CC2D2B: variants seen among roughly 807,000 people sequenced by gnomAD.
The protein encoded by CC2D2B is coiled-coil and C2 domain containing 2B.
CC2D2B carries 128 observed loss-of-function variants against 161.2 expected under a neutral mutation model. The observed-to-expected ratio is 0.79, with a 90% CI of 0.69 to 0.92. CC2D2B has a LOEUF of 0.92. Among genes scored for constraint, CC2D2B ranks in the 40% least tolerant of loss-of-function variants. The pLI is 0.00. For synonymous variants in CC2D2B, 391 were observed against 449.8 expected, an observed-to-expected ratio of 0.87 and a Z score of 1.65; for missense variants, 1,173 against 1,375.1, an observed-to-expected ratio of 0.85 and a Z score of 2.32.
intron 12 of CC2D2B, 93 bp from the exon 13 acceptor site, chr10:95,965,803 G>GTGTGTGTGTGTGTGTGTGTGTGTT: frequency 2.6e-6 from 1 of 388,988 alleles, no homozygotes; most frequent in African/African-American, 2.1e-5. Context: ...GTGTGTGTGT[G>GTGTGTGTGTGTGTGTGTGTGTGTT]TGTGTGTGTG....
Position 96,033,020 on chromosome 10 carries a change from A to G in CC2D2B, c.*1012A>G, listed in dbSNP as rs1340596329. ...GTCCTTCATTAAAAGAAATGTGTTT[A>G]TATAATTTACTTACATATGACAAAA... On this transcript the variant is annotated 3_prime_UTR_variant, in exon 35 of 35. Coordinates refer to ENST00000646931, the MANE Select transcript of CC2D2B (RefSeq NM_001349008.3). Among the ~76,000 whole-genome samples the G allele has an allele frequency of 6.6e-6, 1 of 152,218 alleles. No individual in the cohort carries two copies.
chr10:96,031,904 G>C lies in CC2D2B; in HGVS notation c.4210G>C (p.Glu1404Gln). Residue 1404 changes from glutamate (E) to glutamine (Q), a missense_variant, in exon 35 of 35, where the codon GAA becomes CAA. Glu to Gln is a conservative substitution (Grantham distance 29). This residue lies in a region of CC2D2B where 598 missense variants were observed against 693.2 expected (regional missense o/e 0.86). Transcript: ENST00000646931. ...TTATCAAACTGGAATTCACTCTGCTGAATTTCCCCAGACAGAATTTGCTTT... is the reference window on the plus strand; with the variant it reads ...TTATCAAACTGGAATTCACTCTGCTCAATTTCCCCAGACAGAATTTGCTTT... ...AVYQTGIHSA[E>Q]FPQTEFALAV... 2.5e-6 allele frequency: 4 copies of C among 1,613,650 alleles called. No individual in the cohort carries two copies. The highest frequency in any genetic ancestry group is 3.4e-6 in the Non-Finnish European group (4 of 1,179,642).
At chr10:95,941,703 G>A (rs1233970372) in intron 9 of CC2D2B, among the ~76,000 whole-genome samples, 6 of 152,076 alleles carry the variant, frequency 3.9e-5, no homozygotes. Context: ...ACAAGTGTTG[G>A]CAACAATGCG....
intron 10 of CC2D2B, among the ~76,000 whole-genome samples, chr10:95,951,741 C>T (rs902311143): frequency 6.6e-6 from 1 of 151,788 alleles, no homozygotes; most frequent in African/African-American, 2.4e-5. Context: ...ATTAGAGTAC[C>T]ATCTATTAAA....
chr10:95,922,129 A>T, intron 3 of CC2D2B, 53 bp downstream of exon 3: 1 of 972,692 alleles, frequency 1.0e-6, no homozygotes, highest in South Asian at 1.7e-5. Flanking sequence ...ATTTTTAAAG[A>T]TGTAAATGAT....
intron 25 of CC2D2B, among the ~76,000 whole-genome samples, chr10:96,006,359 AAT>A (rs1163529835): frequency 4.0e-5 from 6 of 148,686 alleles, no homozygotes; most frequent in Non-Finnish European, 7.4e-5. Flanking sequence ...GAATTTATAT[AAT>A]ATATATATAC....
At chr10:95,979,152 TAC>T (rs2077420194) in intron 17 of CC2D2B, among the ~76,000 whole-genome samples, 1 of 151,984 alleles carries the variant, frequency 6.6e-6, no homozygotes, top group South Asian at 2.1e-4. Context: ...TTTTGATTTA[TAC>T]GTTTCTGGGT....
At position 95,925,065 on chromosome 10, in the gene CC2D2B, T is replaced by A. The variant is rs533055582; in HGVS notation, c.240+221T>A. ...ATCACCCTCTATTCTTACTTGGCATTACTTTTTATCCTAAAAAATTATAAT... is the reference window on the plus strand; with the variant it reads ...ATCACCCTCTATTCTTACTTGGCATAACTTTTTATCCTAAAAAATTATAAT... On this transcript the variant is annotated intron_variant, in intron 5 of 34. Transcript: ENST00000646931. Among the ~76,000 whole-genome samples the A allele has an allele frequency of 1.7e-4, 26 of 152,338 alleles. 1 individual carries two copies. The South Asian group carries it at 5.4e-3, about 32-fold the overall frequency.
intron 6 of CC2D2B, among the ~76,000 whole-genome samples, chr10:95,929,717 A>G (rs2098546300): frequency 1.3e-5 from 2 of 152,030 alleles, no homozygotes; most frequent in African/African-American, 2.4e-5. Context: ...GATGTGTAGC[A>G]TTATTTCTGA....
At chr10:96,014,922 T>C (rs575821365) in intron 29 of CC2D2B, among the ~76,000 whole-genome samples, 18 of 152,272 alleles carry the variant, frequency 1.2e-4, no homozygotes, top group African/African-American at 2.4e-5. Flanking sequence ...GATAGGGCCA[T>C]ATCAGTTGTT....
chr10:96,032,524 T>A lies in CC2D2B; in HGVS notation c.*516T>A. ...TGAGGGAGAGCCCAGCCTTATAGAA[T>A]GTTGTCACTACTAAACTAAGGCTGG... is the stretch of plus-strand genomic sequence containing the variant. On this transcript the variant is annotated 3_prime_UTR_variant, in exon 35 of 35. Coordinates refer to ENST00000646931, the MANE Select transcript of CC2D2B (RefSeq NM_001349008.3). The A allele has an allele frequency of 3.7e-6, 1 of 271,278 alleles. No individual in the cohort carries two copies. The highest frequency in any genetic ancestry group is 4.1e-5 in the South Asian group (1 of 24,636). 16.8% of individuals were successfully genotyped at this position (271,278 alleles called of 1,614,324 possible).
At chr10:95,978,828 A>G (rs1246507356) in intron 17 of CC2D2B, among the ~76,000 whole-genome samples, 1 of 152,082 alleles carries the variant, frequency 6.6e-6, no homozygotes, top group East Asian at 1.9e-4. Flanking sequence ...TTTTTATGTT[A>G]TAATTTTTAC....
chr10:95,955,177 A>G (rs534005713), intron 10 of CC2D2B, among the ~76,000 whole-genome samples: 43 of 152,210 alleles, frequency 2.8e-4, no homozygotes, highest in African/African-American at 7.7e-4. Context: ...ATGTTATTAG[A>G]TACTAAATTG....
chr10:95,920,755 G>C (rs1428583984), intron 2 of CC2D2B: 1 of 152,308 alleles, frequency 6.6e-6, no homozygotes, highest in Non-Finnish European at 1.5e-5. Context: ...TTAGTTAGCA[G>C]ATGGTGAATT....
intron 12 of CC2D2B, 77 bp from the exon 13 acceptor site, chr10:95,965,818 TG>T: frequency 1.0e-5 from 4 of 397,202 alleles, no homozygotes; most frequent in Admixed American, 4.6e-5. Flanking sequence ...TGTGTGTGTG[TG>T]TGTTGGCAAA....
rs1034410297 is a variant in CC2D2B, at chr10:95,911,360, G to C, written c.36+1G>C. 1.2e-5 allele frequency: 3 copies of C among 241,318 alleles called. No homozygotes were observed. The highest frequency in any genetic ancestry group is 2.2e-5 in the African/African-American group (1 of 45,132). The allele number at this position is 241,318 out of a possible 1,614,324, so 14.9% of individuals were successfully genotyped here. ...TCAAAGAGAAGATATTTTTAAAAAG[G>C]TAAGGTATTAATGGAGTTTATAATA... is the stretch of plus-strand genomic sequence containing the variant. On this transcript the variant is annotated splice_donor_variant, in intron 2 of 34. Coordinates refer to ENST00000646931, the MANE Select transcript of CC2D2B (RefSeq NM_001349008.3). LOFTEE classifies it high-confidence loss of function.
rs781655259 is a variant in CC2D2B, at chr10:96,031,873, T to C, written c.4179T>C (p.Asp1393=). 9.9e-6 allele frequency: 16 copies of C among 1,613,716 alleles called. No individual in the cohort carries two copies. The highest frequency in any genetic ancestry group is 1.3e-5 in the Non-Finnish European group (15 of 1,179,748). The change falls in exon 35 of 35, where the codon GAT becomes GAC. Residue 1393 remains aspartate (D), a synonymous_variant. Coordinates refer to ENST00000646931, the MANE Select transcript of CC2D2B (RefSeq NM_001349008.3). ...MPYIDVQSII[D]AVYQTGIHSA... ...ACATTGATGTACAGTCAATTATTGA[T>C]GCTGTTTATCAAACTGGAATTCACT...
chr10:95,973,093 T>C (rs1220686662), intron 16 of CC2D2B, among the ~76,000 whole-genome samples: 1 of 151,908 alleles, frequency 6.6e-6, no homozygotes, highest in African/African-American at 2.4e-5. Context: ...TGGAAACTAC[T>C]TGGGCCTATT....
Position 95,980,770 on chromosome 10 carries a change from A to G in CC2D2B, c.1944-1205A>G, listed in dbSNP as rs77745819. On this transcript the variant is annotated intron_variant, in intron 17 of 34. Transcript: ENST00000646931. ...AAATATGAACAAATGGGAAGGAGACAGTATAAAATGTGTGCTCGTGTTTGG... is the reference window on the plus strand; with the variant it reads ...AAATATGAACAAATGGGAAGGAGACGGTATAAAATGTGTGCTCGTGTTTGG... 4.7e-3 allele frequency among the ~76,000 whole-genome samples: 713 copies of G among 152,324 alleles called. 7 individuals are homozygous for G. Among genetic ancestry groups the G allele is most frequent in the African/African-American group, 0.016 (676 of 41,558 alleles).
Sources: allele counts gnomAD v4.1 joint callset (sites outside exome capture counted in the v4.1 genomes callset), GRCh38; gene constraint gnomAD v4.1.1; regional missense constraint gnomAD v4.1.1; transcripts MANE v1.5; gene names NCBI Gene and HGNC (gene_info 2026-07-23, HGNC 2026-07-21).